Variants in PCDHA8 observed in about 807,000 individuals in gnomAD.
PCDHA8 encodes the protein protocadherin alpha 8.
PCDHA8 carries 53 observed loss-of-function variants against 61.8 expected under a neutral mutation model. The ratio of observed to expected loss-of-function variants is 0.86; its 90% CI spans 0.69 to 1.08. The LOEUF (loss-of-function observed/expected upper bound fraction) is 1.08. Ranked by LOEUF, PCDHA8 falls within the 50% of genes least tolerant of loss-of-function variation. The pLI, the probability that PCDHA8 is intolerant of heterozygous loss-of-function variation, is 0.00. For synonymous variants in PCDHA8, 618 were observed against 556.6 expected (o/e 1.11, Z -1.55); for missense variants, 1,293 against 1,245.0 (o/e 1.04, Z -0.58).
At chr5:140,875,504 C>G (rs1554167711) in intron 1 of PCDHA8, 2 of 1,613,462 alleles carry the variant, frequency 1.2e-6, no homozygotes, top group African/African-American at 2.7e-5. Context: ...GGCCCGGGAT[C>G]CCAGCGTCTG....
intron 3 of PCDHA8, 42 bp downstream of exon 3, chr5:140,982,605 A>G: frequency 1.9e-6 from 3 of 1,605,520 alleles, no homozygotes; most frequent in Non-Finnish European, 2.6e-6. Flanking sequence ...GGTTTCTGGA[A>G]AGTGATCAGA....
At chr5:140,884,496 G>T (rs782182672) in intron 1 of PCDHA8, 1 of 1,614,094 alleles carries the variant, frequency 6.2e-7, no homozygotes, top group Non-Finnish European at 8.5e-7. Flanking sequence ...GTGTGCTCCA[G>T]CGCGGCAGGG....
intron 1 of PCDHA8, among the ~76,000 whole-genome samples, chr5:140,952,639 G>C (rs2094775564): frequency 6.6e-6 from 1 of 152,102 alleles, no homozygotes; most frequent in Non-Finnish European, 1.5e-5. Flanking sequence ...ATTCCAACCT[G>C]TGCCTGGTTA....
At chr5:140,971,640 A>G (rs2096489850) in intron 1 of PCDHA8, among the ~76,000 whole-genome samples, 1 of 152,184 alleles carries the variant, frequency 6.6e-6, no homozygotes, top group Non-Finnish European at 1.5e-5. Context: ...CCATGTGCCT[A>G]CATTAAAAGT....
chr5:141,008,300 C>G (rs1272725012), intron 3 of PCDHA8, among the ~76,000 whole-genome samples: 3 of 152,162 alleles, frequency 2.0e-5, no homozygotes, highest in African/African-American at 7.2e-5. Context: ...GTACCCAACC[C>G]TAAACTGTAA....
intron 1 of PCDHA8, among the ~76,000 whole-genome samples, chr5:140,935,777 T>C (rs1306193430): frequency 6.6e-6 from 1 of 152,190 alleles, no homozygotes; most frequent in African/African-American, 2.4e-5. Flanking sequence ...TTTGAGTTTT[T>C]TCACTTAAAA....
At position 140,944,959 on chromosome 5, in the gene PCDHA8, A is replaced by C. The variant is rs183198577; in HGVS notation, c.2395-33990A>C. Among the ~76,000 whole-genome samples, 72 of 152,254 alleles carry C rather than the reference A, an allele frequency of 4.7e-4. No individual in the cohort carries two copies. The East Asian group carries it at 0.012, about 25-fold the overall frequency. ...TTAGATGATTGTGAATAAGAGTATT[A>C]TCTTAACCTCTCTGGTGGGTCTACT... On this transcript the variant is annotated intron_variant, in intron 1 of 3. Coordinates refer to ENST00000531613, the MANE Select transcript of PCDHA8 (RefSeq NM_018911.3).
In PCDHA8 at chr5:140,842,865, G is replaced by C; in HGVS notation, c.1544G>C (p.Gly515Ala). ...TACATTTCGGTGCACACGGAGAGCG[G>C]CAAGGTGTACGCGCTGCAGCCGCTG... is the stretch of plus-strand genomic sequence containing the variant. ...SSYISVHTESGKVYALQPLDH... is the reference protein window; with the variant it reads ...SSYISVHTESAKVYALQPLDH... The change falls in exon 1 of 4, where the codon GGC becomes GCC. Residue 515 changes from glycine (G) to alanine (A), a missense_variant. By Grantham distance (60) the Gly-to-Ala change is moderately conservative. Transcript: ENST00000531613. 6.3e-6 allele frequency: 10 copies of C among 1,593,986 alleles called. 1 individual carries two copies. Among genetic ancestry groups the C allele is most frequent in the Middle Eastern group, 2.1e-4 (1 of 4,754 alleles).
chr5:140,967,487 G>A lies in PCDHA8; in HGVS notation c.2395-11462G>A, dbSNP rs781929483. 60 of 1,613,172 alleles carry A rather than the reference G, an allele frequency of 3.7e-5. No individual in the cohort carries two copies. The highest frequency in any genetic ancestry group is 5.0e-5 in the Non-Finnish European group (59 of 1,179,674). ...GGGCATCCCAGCCCGCTCGGGTACG[G>A]CACAGATCTCTGTGCGTGTCCTGGA... On this transcript the variant is annotated intron_variant, in intron 1 of 3. Coordinates refer to ENST00000531613, the MANE Select transcript of PCDHA8 (RefSeq NM_018911.3).
intron 1 of PCDHA8, chr5:140,927,853 G>T: frequency 6.2e-7 from 1 of 1,614,214 alleles, no homozygotes; most frequent in Non-Finnish European, 8.5e-7. Context: ...CTTTGGTTTA[G>T]CTAGCACCGC....
intron 1 of PCDHA8, chr5:140,884,661 A>C: frequency 6.3e-7 from 1 of 1,590,384 alleles, no homozygotes; most frequent in African/African-American, 1.3e-5. Context: ...TGCTTGAAAG[A>C]GGTAAGCTTA....
At chr5:140,846,407 C>G (rs1780453482) in intron 1 of PCDHA8, among the ~76,000 whole-genome samples, 4 of 124,998 alleles carry the variant, frequency 3.2e-5, no homozygotes, top group Admixed American at 1.8e-4. Context: ...CGGAGTCTCG[C>G]TCTATCTCCC....
rs146495947 is a variant in PCDHA8, at chr5:140,843,027, G to C, written c.1706G>C (p.Arg569Pro). 1.7e-3 allele frequency: 2,668 copies of C among 1,595,168 alleles called. 274 individuals carry two copies. Among genetic ancestry groups the C allele is most frequent in the Non-Finnish European group, 2.1e-3 (2,455 of 1,165,422 alleles). ...NDNAPALLEP[R>P]VGGTGGAASK... is the part of the protein sequence containing the mutation. ...AACGCGCCGGCACTGCTGGAGCCTC[G>C]GGTGGGTGGCACTGGTGGCGCAGCG... is the stretch of plus-strand genomic sequence containing the variant. Residue 569 changes from arginine (R) to proline (P), a missense_variant, in exon 1 of 4, where the codon CGG (arginine) becomes CCG (proline). Transcript: ENST00000531613.
At chr5:140,856,822 A>G (rs1554149161) in intron 1 of PCDHA8, 4 of 1,593,030 alleles carry the variant, frequency 2.5e-6, no homozygotes, top group Non-Finnish European at 1.7e-6. Flanking sequence ...TGAACCAAAC[A>G]TTAGTAATAC....
intron 1 of PCDHA8, chr5:140,849,719 G>A (rs1386986772): frequency 6.3e-7 from 1 of 1,598,560 alleles, no homozygotes; most frequent in Non-Finnish European, 8.6e-7. Flanking sequence ...ACTCGTTGGT[G>A]CTGGACAGAG....
intron 1 of PCDHA8, among the ~76,000 whole-genome samples, chr5:140,961,550 CT>C (rs571779587): frequency 6.6e-6 from 1 of 152,032 alleles, no homozygotes; most frequent in Admixed American, 6.6e-5. Context: ...TGCAGCATTT[CT>C]TTTTTTAAAT....
chr5:140,999,801 G>T (rs1271249129), intron 3 of PCDHA8, among the ~76,000 whole-genome samples: 1 of 152,112 alleles, frequency 6.6e-6, no homozygotes, highest in Admixed American at 6.5e-5. Flanking sequence ...GTTATTTTGG[G>T]CACAAAGCAA....
intron 1 of PCDHA8, among the ~76,000 whole-genome samples, chr5:140,957,259 T>A (rs1554222896): frequency 6.6e-6 from 1 of 152,182 alleles, no homozygotes; most frequent in Admixed American, 6.5e-5. Context: ...TTTAAATATG[T>A]AAGCACTAGT....
chr5:141,009,471 G>A, intron 3 of PCDHA8, 156 bp from the exon 4 acceptor site: 1 of 961,136 alleles, frequency 1.0e-6, no homozygotes, highest in Non-Finnish European at 1.2e-6. Context: ...AAATAAATAA[G>A]TAAACACTTG....
Sources: allele counts gnomAD v4.1 joint callset (sites outside exome capture counted in the v4.1 genomes callset), GRCh38; gene constraint gnomAD v4.1.1; transcripts MANE v1.5; gene names NCBI Gene and HGNC (gene_info 2026-07-23, HGNC 2026-07-21).